GPR158: variants seen among roughly 807,000 people sequenced by gnomAD.
The protein encoded by GPR158 is metabotropic glycine receptor.
A neutral mutation model predicts 78.2 loss-of-function variants in GPR158; 30 were observed. The ratio of observed to expected loss-of-function variants is 0.38; its 90% CI spans 0.29 to 0.52. The LOEUF (loss-of-function observed/expected upper bound fraction) is 0.52, where lower values mean the gene tolerates loss of function less well. GPR158 is among the 20% of genes least tolerant of loss of function. The pLI is 0.83. For synonymous variants in GPR158, 581 were observed against 591.1 expected, an observed-to-expected ratio of 0.98 and a Z score of 0.25; for missense variants, 1,463 against 1,523.5, an observed-to-expected ratio of 0.96 and a Z score of 0.66.
At chr10:25,250,601 A>G (rs1371328702) in intron 2 of GPR158, among the ~76,000 whole-genome samples, 14 of 149,632 alleles carry the variant, frequency 9.4e-5, no homozygotes, top group Admixed American at 8.0e-4. Context: ...AGGTTGTTCA[A>G]TTTCCATGTA....
chr10:25,338,526 T>TA (rs1564426318), intron 2 of GPR158, among the ~76,000 whole-genome samples: 3 of 102,758 alleles, frequency 2.9e-5, no homozygotes, highest in Non-Finnish European at 5.0e-5. Context: ...TATACGTATA[T>TA]TACGTATATT....
chr10:25,523,912 G>C (rs1836317529), intron 5 of GPR158, among the ~76,000 whole-genome samples: 2 of 151,958 alleles, frequency 1.3e-5, no homozygotes, highest in Non-Finnish European at 2.9e-5. Flanking sequence ...CAGATGAAAC[G>C]ATCTTATAGA....
At chr10:25,471,802 T>C (rs1835507774) in intron 5 of GPR158, among the ~76,000 whole-genome samples, 1 of 152,198 alleles carries the variant, frequency 6.6e-6, no homozygotes, top group Non-Finnish European at 1.5e-5. Flanking sequence ...CACTTTTTGA[T>C]GGGGTTGTTT....
At chr10:25,511,317 A>G (rs1036155714) in intron 5 of GPR158, among the ~76,000 whole-genome samples, 1 of 152,026 alleles carries the variant, frequency 6.6e-6, no homozygotes, top group Non-Finnish European at 1.5e-5. Flanking sequence ...CATTTTTCAT[A>G]TGTTTGTTGG....
chr10:25,597,850 A>G lies in GPR158; in HGVS notation c.2224A>G (p.Lys742Glu). Reference sequence around the variant, plus strand: ...GATCACAAACAACCCCCACCTCCAGAAAAAGCGGTGCTCGAAGAAGGGCCT... The same window carrying G: ...GATCACAAACAACCCCCACCTCCAGGAAAAGCGGTGCTCGAAGAAGGGCCT... ...KMITNNPHLQ[K>E]KRCSKKGLGR... The change falls in exon 11 of 11, where the codon AAA becomes GAA. Residue 742 changes from lysine to glutamate, a missense_variant. By Grantham distance (56) the Lys-to-Glu change is moderately conservative. Transcript: ENST00000376351. The G allele has an allele frequency of 6.5e-7, 1 of 1,547,278 alleles. No individual in the cohort carries two copies. The highest frequency in any genetic ancestry group is 2.3e-5 in the East Asian group (1 of 44,220).
At chr10:25,339,020 CTTTT>C (rs55774828) in intron 2 of GPR158, among the ~76,000 whole-genome samples, 12 of 137,232 alleles carry the variant, frequency 8.7e-5, no homozygotes, top group Admixed American at 1.5e-4. Context: ...TTCTTTCTTT[CTTTT>C]TTTTTTTTTT....
intron 1 of GPR158, among the ~76,000 whole-genome samples, chr10:25,181,420 C>T (rs1852609715): frequency 6.6e-6 from 1 of 152,166 alleles, no homozygotes; most frequent in African/African-American, 2.4e-5. Context: ...TCTTCATTTA[C>T]TAGTATTAAA....
chr10:25,574,767 C>G (rs1837065089), intron 7 of GPR158, among the ~76,000 whole-genome samples: 1 of 152,132 alleles, frequency 6.6e-6, no homozygotes, highest in Non-Finnish European at 1.5e-5. Context: ...CTCCTATAAT[C>G]CCAGCTACTT....
At chr10:25,422,850 A>ACCCCCCCCCCCCCCCTCCC (rs11424448) in intron 4 of GPR158, among the ~76,000 whole-genome samples, 1 of 130,274 alleles carries the variant, frequency 7.7e-6, no homozygotes, top group Non-Finnish European at 1.6e-5. Context: ...TTATTCCCTT[A>ACCCCCCCCCCCCCCCTCCC]CCCCCCCCAC....
At chr10:25,185,049 G>T (rs1372893039) in intron 1 of GPR158, among the ~76,000 whole-genome samples, 1 of 152,158 alleles carries the variant, frequency 6.6e-6, no homozygotes, top group Non-Finnish European at 1.5e-5. Flanking sequence ...GATGCCAGTG[G>T]CAACACACCC....
chr10:25,401,796 A>G (rs1488109493), intron 3 of GPR158, among the ~76,000 whole-genome samples: 1 of 152,110 alleles, frequency 6.6e-6, no homozygotes, highest in Non-Finnish European at 1.5e-5. Context: ...TTTTCTTTGC[A>G]TGGTAGAATT....
At chr10:25,579,422 A>C (rs1187360611) in intron 7 of GPR158, among the ~76,000 whole-genome samples, 2 of 152,208 alleles carry the variant, frequency 1.3e-5, no homozygotes, top group Non-Finnish European at 1.5e-5. Context: ...CAGGTCCTCC[A>C]GTATGGGGGA....
intron 2 of GPR158, among the ~76,000 whole-genome samples, chr10:25,307,878 T>G (rs1474595538): frequency 6.6e-6 from 1 of 152,200 alleles, no homozygotes; most frequent in Non-Finnish European, 1.5e-5. Flanking sequence ...TATGTGTATT[T>G]ATATTTTGAA....
At chr10:25,341,416 G>C (rs971512791) in intron 2 of GPR158, among the ~76,000 whole-genome samples, 1 of 151,854 alleles carries the variant, frequency 6.6e-6, no homozygotes, top group African/African-American at 2.4e-5. Flanking sequence ...ATTAGATTTT[G>C]ATAAGCCAAG....
rs149308166 is a variant in GPR158, at chr10:25,504,263, A to G, written c.1404+37544A>G. On this transcript the variant is annotated intron_variant, in intron 5 of 10. Transcript: ENST00000376351. ...CATAGTGCCTGTTATATGAATTCAA[A>G]TATTTGTTGAATAAATGAGTGAGTG... Among the ~76,000 whole-genome samples the G allele has an allele frequency of 7.7e-3, 1,173 of 152,252 alleles. 13 individuals are homozygous for G. The highest frequency in any genetic ancestry group is 0.012 in the Non-Finnish European group (787 of 68,004).
At chr10:25,338,561 ATTG>A (rs1477126682) in intron 2 of GPR158, among the ~76,000 whole-genome samples, 16 of 51,890 alleles carry the variant, frequency 3.1e-4, no homozygotes, top group Admixed American at 1.4e-3. Context: ...TATAATACGT[ATTG>A]TATATTATTA....
At chr10:25,300,578 C>T in intron 2 of GPR158, among the ~76,000 whole-genome samples, 1 of 22,582 alleles carries the variant, frequency 4.4e-5, no homozygotes, top group African/African-American at 7.3e-4. Flanking sequence ...ACCACATATT[C>T]TTAAGTACTC....
intron 2 of GPR158, among the ~76,000 whole-genome samples, chr10:25,243,047 C>T (rs1853646346): frequency 6.6e-6 from 1 of 152,208 alleles, no homozygotes; most frequent in Non-Finnish European, 1.5e-5. Context: ...CAGCACCAGA[C>T]AATGGTTGCT....
chr10:25,286,092 A>G (rs1354673106), intron 2 of GPR158, among the ~76,000 whole-genome samples: 1 of 152,146 alleles, frequency 6.6e-6, no homozygotes, highest in African/African-American at 2.4e-5. Context: ...CTGTTTGAAT[A>G]TGATATGCCT....
Sources: allele counts gnomAD v4.1 joint callset (sites outside exome capture counted in the v4.1 genomes callset), GRCh38; gene constraint gnomAD v4.1.1; transcripts MANE v1.5; gene names NCBI Gene and HGNC (gene_info 2026-07-23, HGNC 2026-07-21).